The following SELENBP1 variants were observed in gnomAD, a reference collection of about 807,000 sequenced individuals.
SELENBP1 encodes the protein methanethiol oxidase.
SELENBP1 carries 71 observed loss-of-function variants against 61.0 expected under a neutral mutation model. The ratio of observed to expected loss-of-function variants is 1.16; its 90% CI spans 0.96 to 1.42. SELENBP1 has a LOEUF of 1.42. Among genes scored for constraint, SELENBP1 ranks in the 40% most tolerant of loss-of-function variants. SELENBP1 has a pLI of 0.00. For synonymous variants in SELENBP1, 270 were observed against 238.9 expected (o/e 1.13, Z -1.20); for missense variants, 561 against 605.0 (o/e 0.93, Z 0.76).
At position 151,365,697 on chromosome 1, in the gene SELENBP1, G is replaced by A. The variant is rs1557842811; in HGVS notation, c.923-13C>T. On this transcript the variant is annotated splice_polypyrimidine_tract_variant and intron_variant, in intron 8 of 11. Coordinates refer to ENST00000368868, the MANE Select transcript of SELENBP1 (RefSeq NM_003944.4). ...TCGGTGATCAGGCCTGTGGGCAGGG[G>A]GCGAGTAGAGCCTTTAAGGACTCTT... The A allele has an allele frequency of 1.2e-6, 2 of 1,614,160 alleles. No homozygotes were observed. The highest frequency in any genetic ancestry group is 1.7e-6 in the Non-Finnish European group (2 of 1,180,018).
intron 6 of SELENBP1, 50 bp from the exon 7 acceptor site, chr1:151,366,503 G>A (rs774865243): frequency 1.9e-6 from 3 of 1,586,750 alleles, no homozygotes; most frequent in Non-Finnish European, 2.6e-6. Context: ...GAGGTTGGAA[G>A]GCATGGGCAA....
chr1:151,369,172 G>A lies in SELENBP1; in HGVS notation c.192C>T (p.Pro64=). ...PQYCQVIHRL[P]MPNLKDELHH... ...GCAGCTCGTCCTTCAGGTTGGGCATGGGCAGCCGGTGGATGACCTAGGATG... is the reference window on the plus strand; with the variant it reads ...GCAGCTCGTCCTTCAGGTTGGGCATAGGCAGCCGGTGGATGACCTAGGATG... The change falls in exon 4 of 12, where the codon CCC becomes CCT. Residue 64 remains proline, a synonymous_variant. Transcript: ENST00000368868. The A allele has an allele frequency of 6.2e-7, 1 of 1,611,712 alleles. No individual in the cohort carries two copies. The highest frequency in any genetic ancestry group is 2.2e-5 in the East Asian group (1 of 44,770).
At position 151,365,616 on chromosome 1, in the gene SELENBP1, C is replaced by T. The variant is rs374791130; in HGVS notation, c.991G>A (p.Asp331Asn). The change falls in exon 9 of 12, where the codon GAC becomes AAC. Residue 331 changes from aspartate (D) to asparagine (N), a missense_variant. Transcript: ENST00000368868. The stretch of plus-strand genomic sequence containing the variant: ...TCAGAGATGTCATACTGCCTCAGGT[C>T]CCCATGCAGCCAGTTGCTGAAGTAG... The part of the protein sequence containing the change: ...FLYFSNWLHG[D>N]LRQYDISDPQ... The T allele has an allele frequency of 2.5e-5, 41 of 1,614,094 alleles. No individual in the cohort carries two copies. Among genetic ancestry groups the T allele is most frequent in the Non-Finnish European group, 3.1e-5 (36 of 1,180,044 alleles).
intron 3 of SELENBP1, 100 bp downstream of exon 3, chr1:151,369,342 A>C (rs1312533974): frequency 7.1e-7 from 1 of 1,414,786 alleles, no homozygotes; most frequent in East Asian, 2.3e-5. Flanking sequence ...AAGCATCCCC[A>C]GGGAGGGCCA....
Position 151,366,457 on chromosome 1 carries a change from G to A in SELENBP1, c.665-4C>T. On this transcript the variant is annotated splice_region_variant and splice_polypyrimidine_tract_variant and intron_variant, in intron 6 of 11. Transcript: ENST00000368868. ...TATAAGTGGCTCCCGTACAGTCCTGGGGTGGGAGTGGGGCCGGAGGATAGG... is the reference window on the plus strand; with the variant it reads ...TATAAGTGGCTCCCGTACAGTCCTGAGGTGGGAGTGGGGCCGGAGGATAGG... The A allele has an allele frequency of 6.2e-7, 1 of 1,610,062 alleles. No homozygotes were observed. The highest frequency in any genetic ancestry group is 1.1e-5 in the South Asian group (1 of 90,980).
rs1312668176 is a variant in SELENBP1 at position 151,364,378 on chromosome 1, C to T, written c.*165G>A. 1 of 781,006 alleles carries T rather than the reference C, an allele frequency of 1.3e-6. No homozygotes were observed. The highest frequency in any genetic ancestry group is 2.1e-6 in the Non-Finnish European group (1 of 479,088). 48.4% of individuals were successfully genotyped at this position (781,006 alleles called of 1,614,324 possible). A position where few individuals can be genotyped will look rare whatever the true frequency, so the allele number is the denominator to read the frequency against. On this transcript the variant is annotated 3_prime_UTR_variant, in exon 12 of 12. Transcript: ENST00000368868. Reference sequence around the variant, plus strand: ...GAAAAGCAGCACAGTGAGCAACAAGCAACAGTGGTCAGTAAATGTATATGA... The same window carrying T: ...GAAAAGCAGCACAGTGAGCAACAAGTAACAGTGGTCAGTAAATGTATATGA...
At chr1:151,365,708 C>T (rs551024605) in intron 8 of SELENBP1, 24 bp from the exon 9 acceptor site, 1 of 1,614,110 alleles carries the variant, frequency 6.2e-7, no homozygotes, top group Admixed American at 1.7e-5. Context: ...GCGAGTAGAG[C>T]CTTTAAGGAC....
chr1:151,366,447 T>A lies in SELENBP1; in HGVS notation c.671A>T (p.Tyr224Phe). ...FNPADVEAGLYGSHLYVWDWQ... is the reference protein window; with the variant it reads ...FNPADVEAGLFGSHLYVWDWQ... ...GTCCCATACATATAAGTGGCTCCCG[T>A]ACAGTCCTGGGGTGGGAGTGGGGCC... is the stretch of plus-strand genomic sequence containing the variant. The change falls in exon 7 of 12, where the codon TAC becomes TTC. Residue 224 changes from tyrosine (Y) to phenylalanine (F), a missense_variant. Tyr to Phe is a conservative substitution (Grantham distance 22, BLOSUM62 3). Transcript: ENST00000368868. 6.2e-7 allele frequency: 1 copy of A among 1,613,484 alleles called. No homozygotes were observed. Among genetic ancestry groups the A allele is most frequent in the Non-Finnish European group, 8.5e-7 (1 of 1,179,810 alleles).
chr1:151,369,076 C>T lies in SELENBP1; in HGVS notation c.288G>A (p.Leu96=). 6.2e-7 allele frequency: 1 copy of T among 1,614,026 alleles called. No homozygotes were observed. Among genetic ancestry groups the T allele is most frequent in the Non-Finnish European group, 8.5e-7 (1 of 1,180,008 alleles). The change falls in exon 4 of 12, where the codon CTG becomes CTA. Residue 96 remains leucine (L), a synonymous_variant. Coordinates refer to ENST00000368868, the MANE Select transcript of SELENBP1 (RefSeq NM_003944.4). ...DSTKSRTKLV[L]PSLISSRIYV... Reference sequence around the variant, plus strand: ...AGATGCGAGAGGAGATGAGACTGGGCAGCACCAGCTTGGTGCGCGACTTGG... The same window carrying T: ...AGATGCGAGAGGAGATGAGACTGGGTAGCACCAGCTTGGTGCGCGACTTGG...
In SELENBP1 at chr1:151,369,707, A is replaced by T; in HGVS notation, c.61+6T>A. The T allele has an allele frequency of 6.4e-7, 1 of 1,551,856 alleles. No individual in the cohort carries two copies. The highest frequency in any genetic ancestry group is 1.4e-5 in the African/African-American group (1 of 73,198). On this transcript the variant is annotated splice_donor_region_variant and intron_variant, in intron 2 of 11. Transcript: ENST00000368868. ...GGGCGCTGGCTCTCAGACCATGGGC[A>T]ATTACCTTTCATGGCCTCCAGAGGG...
chr1:151,367,211 T>C (rs1571282113), intron 5 of SELENBP1: 1 of 306,642 alleles, frequency 3.3e-6, no homozygotes, highest in Non-Finnish European at 5.6e-6. Flanking sequence ...AGGCATGGCG[T>C]CACATGCCTG....
chr1:151,368,360 G>T, intron 4 of SELENBP1, 41 bp from the exon 5 acceptor site: 1 of 1,603,066 alleles, frequency 6.2e-7, no homozygotes, highest in Non-Finnish European at 8.5e-7. Context: ...ATACAGGACT[G>T]GGAGTCCCTG....
At position 151,366,975 on chromosome 1, in the gene SELENBP1, C is replaced by T. The variant is rs533420499; in HGVS notation, c.482-71G>A. On this transcript the variant is annotated intron_variant, in intron 5 of 11. Transcript: ENST00000368868. ...ACTAACCCCACCCTCCAGCCCTCTC[C>T]CCGAGGCATGTCTAAGAGGCTGTAA... 2.6e-6 allele frequency: 4 copies of T among 1,562,320 alleles called. No homozygotes were observed. In the Admixed American group the frequency reaches 7.2e-5, roughly 28 times the overall value.
In SELENBP1 at chr1:151,365,835, C is replaced by T. The variant is rs1651787672; in HGVS notation, c.855G>A (p.Trp285Ter). ...QRFYKNEGGT[W>*]SVEKVIQVPP... ...GCACCTGGATCACCTTCTCCACTGA[C>T]CATGTACCTCCCTACATTGAGGGGT... The change falls in exon 8 of 12, where the codon TGG becomes TGA. Residue 285 changes from tryptophan to a stop codon, truncating the protein, a stop_gained. Transcript: ENST00000368868. LOFTEE classifies it high-confidence loss of function. 1 of 1,614,130 alleles carries T rather than the reference C, an allele frequency of 6.2e-7. No homozygotes were observed.
chr1:151,367,680 T>C (rs901532161), intron 5 of SELENBP1, among the ~76,000 whole-genome samples: 1 of 152,206 alleles, frequency 6.6e-6, no homozygotes, highest in Admixed American at 6.5e-5. Context: ...TGAAGTGCTG[T>C]GGTTCAATCA....
chr1:151,364,444 A>C lies in SELENBP1; in HGVS notation c.*99T>G. The C allele has an allele frequency of 1.4e-6, 2 of 1,445,560 alleles. No individual in the cohort carries two copies. The highest frequency in any genetic ancestry group is 1.9e-6 in the Non-Finnish European group (2 of 1,035,532). 89.5% of individuals were successfully genotyped at this position (1,445,560 alleles called of 1,614,324 possible). ...CAGTCTCAGCTTGGCTGTGTGGTACATGCTGCCAAGGGTCGGGTGCCAAGA... is the reference window on the plus strand; with the variant it reads ...CAGTCTCAGCTTGGCTGTGTGGTACCTGCTGCCAAGGGTCGGGTGCCAAGA... On this transcript the variant is annotated 3_prime_UTR_variant, in exon 12 of 12. Coordinates refer to ENST00000368868, the MANE Select transcript of SELENBP1 (RefSeq NM_003944.4).
chr1:151,367,924 C>T (rs947646433), intron 5 of SELENBP1, among the ~76,000 whole-genome samples: 3 of 152,206 alleles, frequency 2.0e-5, no homozygotes, highest in Non-Finnish European at 2.9e-5. Flanking sequence ...GCCTCGGCCT[C>T]TTGAAGTGCT....
chr1:151,366,530 C>A (rs2102092885), intron 6 of SELENBP1, 77 bp from the exon 7 acceptor site: 1 of 1,529,382 alleles, frequency 6.5e-7, no homozygotes, highest in Middle Eastern at 1.7e-4. Context: ...GGCCACCAAT[C>A]AGGGCAGAAG....
At chr1:151,367,880 T>C (rs1651935040) in intron 5 of SELENBP1, among the ~76,000 whole-genome samples, 1 of 152,180 alleles carries the variant, frequency 6.6e-6, no homozygotes, top group Admixed American at 6.5e-5. Flanking sequence ...TTGGCCAGGC[T>C]GGTTTGGAAC....
Sources: allele counts gnomAD v4.1 joint callset (sites outside exome capture counted in the v4.1 genomes callset), GRCh38; gene constraint gnomAD v4.1.1; transcripts MANE v1.5; gene names NCBI Gene and HGNC (gene_info 2026-07-23, HGNC 2026-07-21).